The following HHAT variants were observed in gnomAD, a reference collection of about 807,000 sequenced individuals.
The protein encoded by HHAT is hedgehog acyltransferase.
HHAT carries 47 observed loss-of-function variants against 70.8 expected under a neutral mutation model. The observed-to-expected ratio is 0.66, with a 90% CI of 0.53 to 0.85. HHAT has a LOEUF of 0.85. Among genes scored for constraint, HHAT ranks in the 40% least tolerant of loss-of-function variants. HHAT has a pLI of 0.00. For synonymous variants in HHAT, 228 were observed against 247.6 expected, an observed-to-expected ratio of 0.92 and a Z score of 0.74; for missense variants, 609 against 604.8, an observed-to-expected ratio of 1.01 and a Z score of -0.07.
At chr1:210,560,263 G>T (rs1476938119) in intron 9 of HHAT, among the ~76,000 whole-genome samples, 3 of 152,122 alleles carry the variant, frequency 2.0e-5, no homozygotes, top group African/African-American at 7.2e-5. Flanking sequence ...CAAAAACAAG[G>T]AAAAGAACAC....
intron 7 of HHAT, among the ~76,000 whole-genome samples, chr1:210,422,838 C>T (rs1030221216): frequency 3.9e-5 from 6 of 151,920 alleles, no homozygotes; most frequent in Non-Finnish European, 5.9e-5. Context: ...GGTTTCACCA[C>T]GTTGGCCAGG....
chr1:210,392,948 A>G (rs1278978402), intron 4 of HHAT, among the ~76,000 whole-genome samples: 3 of 152,024 alleles, frequency 2.0e-5, no homozygotes, highest in African/African-American at 7.3e-5. Flanking sequence ...CTATATTAGG[A>G]TATAGATGTC....
chr1:210,665,920 T>C (rs1322142777), intron 11 of HHAT, among the ~76,000 whole-genome samples: 1 of 152,226 alleles, frequency 6.6e-6, no homozygotes, highest in East Asian at 1.9e-4. Flanking sequence ...CCTCAGAGTG[T>C]TGTAAGAATT....
chr1:210,331,878 G>A (rs1278214429), intron 1 of HHAT, among the ~76,000 whole-genome samples: 1 of 152,256 alleles, frequency 6.6e-6, no homozygotes. Context: ...GAAATGTGCT[G>A]CCAGTGGTGA....
intron 11 of HHAT, among the ~76,000 whole-genome samples, chr1:210,649,911 G>A (rs534070660): frequency 6.6e-6 from 1 of 152,314 alleles, no homozygotes; most frequent in Admixed American, 6.5e-5. Context: ...ACCTGCATAG[G>A]CTACTCATAT....
chr1:210,331,310 C>G (rs2084966651), intron 1 of HHAT, among the ~76,000 whole-genome samples: 1 of 152,046 alleles, frequency 6.6e-6, no homozygotes, highest in Non-Finnish European at 1.5e-5. Flanking sequence ...CAGCCTACTT[C>G]ATAGTCTCAT....
At chr1:210,459,617 AC>A (rs1282255334) in intron 7 of HHAT, among the ~76,000 whole-genome samples, 1 of 152,052 alleles carries the variant, frequency 6.6e-6, no homozygotes, top group African/African-American at 2.4e-5. Flanking sequence ...TGACCTCTTC[AC>A]CCCCTTCAAG....
intron 7 of HHAT, among the ~76,000 whole-genome samples, chr1:210,424,405 G>GT (rs1196286140): frequency 2.0e-5 from 3 of 150,270 alleles, no homozygotes; most frequent in South Asian, 2.1e-4. Flanking sequence ...AATTCAAATA[G>GT]TTTTTTTGGT....
At chr1:210,469,020 G>A (rs749656182) in intron 8 of HHAT, among the ~76,000 whole-genome samples, 1 of 152,040 alleles carries the variant, frequency 6.6e-6, no homozygotes, top group Non-Finnish European at 1.5e-5. Context: ...AGCGAGCCTG[G>A]CGTATAGTAG....
intron 10 of HHAT, among the ~76,000 whole-genome samples, chr1:210,605,034 CA>C: frequency 6.6e-6 from 1 of 151,978 alleles, no homozygotes; most frequent in Non-Finnish European, 1.5e-5. Flanking sequence ...ACAACAACAA[CA>C]ACAACAACAA....
intron 8 of HHAT, among the ~76,000 whole-genome samples, chr1:210,475,497 T>G (rs1383550802): frequency 6.6e-6 from 1 of 152,198 alleles, no homozygotes; most frequent in Non-Finnish European, 1.5e-5. Flanking sequence ...CCTCTCTGAT[T>G]GGGTTTTTAC....
intron 8 of HHAT, among the ~76,000 whole-genome samples, chr1:210,483,070 A>G (rs999305949): frequency 1.3e-5 from 2 of 152,222 alleles, no homozygotes; most frequent in East Asian, 3.9e-4. Flanking sequence ...ACTGTCTGAC[A>G]TGAATGCACT....
chr1:210,362,818 T>G (rs1210418180), intron 2 of HHAT, 34 bp from the exon 3 acceptor site: 2 of 1,589,830 alleles, frequency 1.3e-6, no homozygotes, highest in Non-Finnish European at 1.7e-6. Context: ...TTGTTTAGAT[T>G]TGTGACTAAC....
chr1:210,458,471 G>C (rs1046255379), intron 7 of HHAT, among the ~76,000 whole-genome samples: 1 of 152,158 alleles, frequency 6.6e-6, no homozygotes, highest in African/African-American at 2.4e-5. Context: ...TATGTACTTG[G>C]AAAGTACCAT....
intron 8 of HHAT, among the ~76,000 whole-genome samples, chr1:210,475,974 A>C (rs565772427): frequency 6.6e-6 from 1 of 152,266 alleles, no homozygotes; most frequent in Non-Finnish European, 1.5e-5. Flanking sequence ...GATATGTCCC[A>C]GATCACAGAG....
At chr1:210,619,099 G>T (rs1668322884) in intron 10 of HHAT, among the ~76,000 whole-genome samples, 1 of 152,156 alleles carries the variant, frequency 6.6e-6, no homozygotes, top group South Asian at 2.1e-4. Flanking sequence ...GTGTTCTGAG[G>T]GGCTTGCTGT....
chr1:210,357,028 G>T (rs1487444785), intron 2 of HHAT, among the ~76,000 whole-genome samples: 6 of 152,242 alleles, frequency 3.9e-5, no homozygotes, highest in African/African-American at 1.4e-4. Context: ...GAGTGTTGTG[G>T]AACAACCAAG....
At chr1:210,462,160 C>G (rs929309208) in intron 7 of HHAT, among the ~76,000 whole-genome samples, 1 of 152,158 alleles carries the variant, frequency 6.6e-6, no homozygotes, top group Non-Finnish European at 1.5e-5. Context: ...AGACATGAAG[C>G]AACCCATTTT....
chr1:210,625,407 A>G (rs552167504), intron 11 of HHAT, among the ~76,000 whole-genome samples: 1 of 152,258 alleles, frequency 6.6e-6, no homozygotes, highest in South Asian at 2.1e-4. Flanking sequence ...AATGCATTGG[A>G]TGTTTGCTAC....
Sources: allele counts gnomAD v4.1 joint callset (sites outside exome capture counted in the v4.1 genomes callset), GRCh38; gene constraint gnomAD v4.1.1; transcripts MANE v1.5; gene names NCBI Gene and HGNC (gene_info 2026-07-23, HGNC 2026-07-21).